RPS6KC1: variants seen among roughly 807,000 people sequenced by gnomAD.
RPS6KC1 encodes inactive ribosomal protein S6 kinase delta-1.
Under a neutral mutation model 103.8 loss-of-function variants are expected in RPS6KC1, and 54 were observed. The ratio of observed to expected loss-of-function variants is 0.52; its 90% CI spans 0.42 to 0.65. The LOEUF (loss-of-function observed/expected upper bound fraction) is 0.65. RPS6KC1 is among the 30% of genes least tolerant of loss of function. The pLI, the probability that RPS6KC1 is intolerant of heterozygous loss-of-function variation, is 0.00. For synonymous variants in RPS6KC1, 439 were observed against 438.7 expected, an observed-to-expected ratio of 1.00 and a Z score of -0.01; for missense variants, 1,151 against 1,253.8, an observed-to-expected ratio of 0.92 and a Z score of 1.24.
intron 12 of RPS6KC1, among the ~76,000 whole-genome samples, chr1:213,259,665 G>C (rs1393965184): frequency 1.4e-5 from 2 of 145,476 alleles, no homozygotes; most frequent in African/African-American, 5.1e-5. Context: ...GAATTGTATT[G>C]TTTTATAGCT....
the RPS6KC1 span, among the ~76,000 whole-genome samples, chr1:213,761,833 G>A: frequency 6.6e-5 from 10 of 152,238 alleles, no homozygotes; most frequent in Non-Finnish European, 1.3e-4. Flanking sequence ...GTGTCTCAGA[G>A]CTGCTCAGTG....
the RPS6KC1 span, among the ~76,000 whole-genome samples, chr1:213,746,441 G>T: frequency 2.6e-5 from 4 of 152,162 alleles, no homozygotes; most frequent in Admixed American, 1.3e-4. Context: ...ACTAAATCAG[G>T]GTGTGTGTGG....
chr1:213,479,768 T>C, the RPS6KC1 span, among the ~76,000 whole-genome samples: 2 of 151,966 alleles, frequency 1.3e-5, no homozygotes, highest in Admixed American at 1.3e-4. Context: ...AATTTGTTTC[T>C]TTACATTTAG....
the RPS6KC1 span, among the ~76,000 whole-genome samples, chr1:213,525,309 A>C: frequency 6.6e-6 from 1 of 152,296 alleles, no homozygotes; most frequent in Non-Finnish European, 1.5e-5. Flanking sequence ...AGAGGAATTA[A>C]GGGTGACCCC....
intron 1 of RPS6KC1, among the ~76,000 whole-genome samples, chr1:213,052,348 C>G (rs2077021416): frequency 6.6e-6 from 1 of 152,196 alleles, no homozygotes; most frequent in African/African-American, 2.4e-5. Flanking sequence ...TAGATTAAAG[C>G]AAGTTTAGTA....
chr1:213,457,353 C>T, the RPS6KC1 span, among the ~76,000 whole-genome samples: 4 of 152,230 alleles, frequency 2.6e-5, no homozygotes, highest in African/African-American at 9.6e-5. Context: ...CTGATTGGCT[C>T]CTCTGATTTG....
the RPS6KC1 span, among the ~76,000 whole-genome samples, chr1:213,325,620 G>A: frequency 6.6e-6 from 1 of 152,344 alleles, no homozygotes; most frequent in East Asian, 1.9e-4. Flanking sequence ...GTCTGGCACG[G>A]ATAGATGGTA....
the RPS6KC1 span, among the ~76,000 whole-genome samples, chr1:213,760,113 T>C: frequency 2.0e-5 from 3 of 151,906 alleles, no homozygotes; most frequent in Admixed American, 2.0e-4. Flanking sequence ...AAATCTGTGA[T>C]GCCGAATCCT....
At chr1:213,176,914 A>G (rs764897094) in intron 8 of RPS6KC1, among the ~76,000 whole-genome samples, 2 of 152,166 alleles carry the variant, frequency 1.3e-5, no homozygotes, top group Non-Finnish European at 2.9e-5. Context: ...TATGTTAGGC[A>G]TTTTATATGA....
chr1:213,438,792 C>CTTTT, the RPS6KC1 span, among the ~76,000 whole-genome samples: 7 of 129,726 alleles, frequency 5.4e-5, no homozygotes, highest in Non-Finnish European at 8.3e-5. Flanking sequence ...ATCTTGGTTT[C>CTTTT]TTTTTTTTTT....
At chr1:213,455,504 G>C in the RPS6KC1 span, among the ~76,000 whole-genome samples, 1 of 152,178 alleles carries the variant, frequency 6.6e-6, no homozygotes, top group Non-Finnish European at 1.5e-5. Flanking sequence ...GGAATTTCAG[G>C]TCTATCCTAA....
the RPS6KC1 span, among the ~76,000 whole-genome samples, chr1:213,467,564 A>AGATG: frequency 0.019 from 2,931 of 152,316 alleles, 94 homozygotes; most frequent in African/African-American, 0.067. Flanking sequence ...GATTTGCTAA[A>AGATG]GATGGATTTG....
chr1:213,631,392 A>AAAT, the RPS6KC1 span, among the ~76,000 whole-genome samples: 3 of 151,582 alleles, frequency 2.0e-5, no homozygotes, highest in African/African-American at 7.3e-5. Context: ...AAAAAAAAAA[A>AAAT]ATAGATTTAC....
chr1:213,244,497 A>G (rs546685396), intron 12 of RPS6KC1, among the ~76,000 whole-genome samples: 1 of 152,108 alleles, frequency 6.6e-6, no homozygotes, highest in African/African-American at 2.4e-5. Flanking sequence ...GTAAGTGTAT[A>G]TATTGTTACT....
chr1:213,775,957 T>C, the RPS6KC1 span, among the ~76,000 whole-genome samples: 1 of 152,204 alleles, frequency 6.6e-6, no homozygotes, highest in Admixed American at 6.5e-5. Flanking sequence ...AGAAACCACT[T>C]TCTTTGCTCA....
At chr1:213,180,001 C>T (rs1431382939) in intron 8 of RPS6KC1, among the ~76,000 whole-genome samples, 1 of 152,102 alleles carries the variant, frequency 6.6e-6, no homozygotes, top group East Asian at 1.9e-4. Flanking sequence ...AGTGTTTACC[C>T]AGAGGGATAG....
chr1:213,219,552 A>G (rs551358814), intron 8 of RPS6KC1, among the ~76,000 whole-genome samples: 13 of 152,330 alleles, frequency 8.5e-5, no homozygotes, highest in African/African-American at 3.1e-4. Context: ...ATAAAGACAC[A>G]TGCACACGTA....
At chr1:213,168,630 C>CT (rs1187082889) in intron 7 of RPS6KC1, among the ~76,000 whole-genome samples, 1,658 of 148,500 alleles carry the variant, frequency 0.011, 31 homozygotes, top group African/African-American at 0.038. Flanking sequence ...CTTTTCTTTT[C>CT]TTTTTTTTTT....
At chr1:213,446,670 T>C in the RPS6KC1 span, among the ~76,000 whole-genome samples, 33 of 152,336 alleles carry the variant, frequency 2.2e-4, 1 homozygote, top group African/African-American at 6.7e-4. Flanking sequence ...AGTTGACACC[T>C]AAGCCTGACC....
Sources: allele counts gnomAD v4.1 joint callset (sites outside exome capture counted in the v4.1 genomes callset), GRCh38; gene constraint gnomAD v4.1.1; transcripts MANE v1.5; gene names NCBI Gene and HGNC (gene_info 2026-07-23, HGNC 2026-07-21).